Variants in PPP4R1 observed in about 807,000 individuals in gnomAD.
PPP4R1 encodes the protein protein phosphatase 4 regulatory subunit 1, also known as serine/threonine-protein phosphatase 4 regulatory subunit 1.
In PPP4R1, 42 loss-of-function variants were observed where a neutral mutation model predicts 111.2. That is an observed-to-expected ratio of 0.38 (90% CI 0.29 to 0.49). PPP4R1 has a LOEUF of 0.49. Ranked by LOEUF, PPP4R1 falls within the 20% of genes least tolerant of loss-of-function variation. The pLI is 0.97. For missense variants in PPP4R1, 1,012 were observed against 1,161.6 expected (o/e 0.87, Z 1.87); for synonymous variants, 409 against 405.5 (o/e 1.01, Z -0.10).
At chr18:9,594,059 C>T (rs1286623911) in intron 3 of PPP4R1, 185 bp from the exon 4 acceptor site, 2 of 526,214 alleles carry the variant, frequency 3.8e-6, no homozygotes. Flanking sequence ...TCCTGAGTAG[C>T]TGAGACTACA....
At chr18:9,558,982 C>G (rs1190189713) in intron 14 of PPP4R1, among the ~76,000 whole-genome samples, 1 of 152,188 alleles carries the variant, frequency 6.6e-6, no homozygotes, top group Non-Finnish European at 1.5e-5. Context: ...ATGCTCAAGG[C>G]ATGCAGGGCC....
chr18:9,557,065 A>G, intron 15 of PPP4R1, 156 bp downstream of exon 15: 1 of 617,696 alleles, frequency 1.6e-6, no homozygotes, highest in Non-Finnish European at 2.7e-6. Flanking sequence ...TAATTATGGG[A>G]CCATTTCTTT....
chr18:9,569,936 G>C (rs1234978181), intron 11 of PPP4R1, among the ~76,000 whole-genome samples: 5 of 152,030 alleles, frequency 3.3e-5, no homozygotes, highest in Non-Finnish European at 5.9e-5. Flanking sequence ...TTTTTGTAGA[G>C]ATGGGGTCTT....
chr18:9,603,508 TTC>T (rs1348294360), intron 2 of PPP4R1, among the ~76,000 whole-genome samples: 10 of 152,214 alleles, frequency 6.6e-5, no homozygotes, highest in Middle Eastern at 6.8e-3. Context: ...AATTTTTAAT[TTC>T]TTTTTATTTT....
rs2066456394 is a variant in PPP4R1, at chr18:9,549,605, T to C, written c.2548-267A>G. On this transcript the variant is annotated intron_variant, in intron 18 of 19. Coordinates refer to ENST00000400556, the MANE Select transcript of PPP4R1 (RefSeq NM_001042388.3). ...ACACCTGCGCTCTGGGTCCCAGACA[T>C]GAGCACCCTCTAGTGGGAACCGTGG... 2.0e-5 allele frequency among the ~76,000 whole-genome samples: 3 copies of C among 152,200 alleles called. No homozygotes were observed. The South Asian group carries it at 6.2e-4, about 31-fold the overall frequency.
At chr18:9,553,096 C>T (rs2066514819) in intron 16 of PPP4R1, among the ~76,000 whole-genome samples, 1 of 151,828 alleles carries the variant, frequency 6.6e-6, no homozygotes, top group Non-Finnish European at 1.5e-5. Context: ...TGTATTTCAC[C>T]ATGATAAAAA....
At chr18:9,563,128 C>T in intron 12 of PPP4R1, 1 of 1,201,320 alleles carries the variant, frequency 8.3e-7, no homozygotes, top group Non-Finnish European at 1.0e-6. Context: ...CAGTGAGCTA[C>T]ATTAACATTG....
Position 9,595,066 on chromosome 18 carries a change from G to T in PPP4R1, c.140C>A (p.Pro47His). The part of the protein sequence containing the change: ...DFVSQDEMLT[P>H]LGRLDKYAAS... ...AGCATACTTGTCCAATCTCCCCAGG[G>T]GCGTCAACATTTCATCTTGTGAGAC... Residue 47 changes from proline to histidine, a missense_variant, in exon 3 of 20, where the codon CCC (proline) becomes CAC (histidine). Physicochemically the swap from Pro to His is moderately conservative, Grantham distance 77. Transcript: ENST00000400556. 6.2e-7 allele frequency: 1 copy of T among 1,613,932 alleles called. No homozygotes were observed. The highest frequency in any genetic ancestry group is 8.5e-7 in the Non-Finnish European group (1 of 1,179,948).
Position 9,550,377 on chromosome 18 carries a change from C to T in PPP4R1, c.2313G>A (p.Glu771=). The part of the protein sequence containing the change: ...ELAEQLILLL[E]LYSPRDVYDY... The stretch of plus-strand genomic sequence containing the variant: ...CATAAACATCTCTGGGACTATATAA[C>T]TCTAGAAGTAAAATCAGCTGTCTAC... Residue 771 remains glutamate, a synonymous_variant, in exon 17 of 20, where the codon GAG becomes GAA. Coordinates refer to ENST00000400556, the MANE Select transcript of PPP4R1 (RefSeq NM_001042388.3). 6.3e-7 allele frequency: 1 copy of T among 1,599,356 alleles called. No individual in the cohort carries two copies.
chr18:9,556,085 T>C (rs1398835281), intron 15 of PPP4R1, among the ~76,000 whole-genome samples: 3 of 148,002 alleles, frequency 2.0e-5, no homozygotes, highest in African/African-American at 5.0e-5. Flanking sequence ...TGCTTGAACC[T>C]GGGAGGCGGA....
At chr18:9,548,405 GC>G (rs1434193672) in intron 19 of PPP4R1, among the ~76,000 whole-genome samples, 1 of 126,832 alleles carries the variant, frequency 7.9e-6, no homozygotes, top group African/African-American at 2.6e-5. Context: ...TGGGCGGCAG[GC>G]GGCGGGGGGG....
At position 9,557,357 on chromosome 18, in the gene PPP4R1, A is replaced by G. The variant is rs778790390; in HGVS notation, c.2054T>C (p.Phe685Ser). 1 of 1,603,594 alleles carries G rather than the reference A, an allele frequency of 6.2e-7. No homozygotes were observed. Among genetic ancestry groups the G allele is most frequent in the South Asian group, 1.1e-5 (1 of 88,122 alleles). Residue 685 changes from phenylalanine to serine, a missense_variant, in exon 15 of 20, where the codon TTC (phenylalanine) becomes TCC (serine). Phe to Ser is a radical substitution (Grantham distance 155). Coordinates refer to ENST00000400556, the MANE Select transcript of PPP4R1 (RefSeq NM_001042388.3). ...AATAACTGCAAGCTCGTGGATGGAG[A>G]ATGCTAGAGTTCGTCGAACTTTCCA... ...MQWKVRRTLA[F>S]SIHELAVILG...
chr18:9,584,308 A>G (rs1294531755), intron 8 of PPP4R1, among the ~76,000 whole-genome samples: 1 of 152,230 alleles, frequency 6.6e-6, no homozygotes, highest in African/African-American at 2.4e-5. Context: ...AATGGTTCTG[A>G]AACATATCCA....
chr18:9,603,994 T>C (rs182440261), intron 2 of PPP4R1, among the ~76,000 whole-genome samples: 190 of 152,338 alleles, frequency 1.2e-3, no homozygotes, highest in African/African-American at 4.3e-3. Flanking sequence ...GCCTGAATAT[T>C]TGTGAGTCTT....
intron 11 of PPP4R1, among the ~76,000 whole-genome samples, chr18:9,565,808 AG>A (rs2066755573): frequency 6.6e-6 from 1 of 152,268 alleles, no homozygotes; most frequent in South Asian, 2.1e-4. Flanking sequence ...TCCATAACAT[AG>A]AAGTGCAAGG....
Position 9,614,511 on chromosome 18 carries a change from C to T in PPP4R1, c.-27G>A, listed in dbSNP as rs1431935960. On this transcript the variant is annotated 5_prime_UTR_variant, in exon 1 of 20. Coordinates refer to ENST00000400556, the MANE Select transcript of PPP4R1 (RefSeq NM_001042388.3). This position sits in a 1 kb window ranked among gnomAD's most constrained non-coding sequence, Gnocchi z 4.1. ...TTGTGGTCGCCCCCTCCTCCGCGGC[C>T]GCCCGGGGAGCCGGGGCTACATGGA... 5.5e-5 allele frequency: 56 copies of T among 1,019,680 alleles called. No homozygotes were observed. The South Asian group carries it at 2.2e-3, about 41-fold the overall frequency. 63.2% of individuals were successfully genotyped at this position (1,019,680 alleles called of 1,614,324 possible). A position where few individuals can be genotyped will look rare whatever the true frequency, so the allele number is the denominator to read the frequency against.
At chr18:9,578,428 A>G (rs1238746744) in intron 9 of PPP4R1, among the ~76,000 whole-genome samples, 14 of 152,000 alleles carry the variant, frequency 9.2e-5, no homozygotes, top group Admixed American at 9.2e-4. Flanking sequence ...TTGCAGAGAC[A>G]AGTCCTTGCT....
Position 9,570,497 on chromosome 18 carries a change from G to C in PPP4R1, c.1233C>G (p.Ser411=). ...TAGCTGCTTCCTGGTGAGATTCTGA[G>C]GACAAAGTACAAAGTAAAGAGCTGT... The part of the protein sequence containing the change: ...PLDSSLLCTL[S]SESHQEAASN... Residue 411 remains serine (S), a synonymous_variant, in exon 11 of 20, where the codon TCC becomes TCG. Transcript: ENST00000400556. The C allele has an allele frequency of 1.9e-6, 3 of 1,614,136 alleles. No individual in the cohort carries two copies. Among genetic ancestry groups the C allele is most frequent in the Non-Finnish European group, 2.5e-6 (3 of 1,180,018 alleles).
At chr18:9,588,321 A>C in intron 5 of PPP4R1, 86 bp from the exon 6 acceptor site, 15 of 1,403,172 alleles carry the variant, frequency 1.1e-5, no homozygotes, top group African/African-American at 1.5e-5. Context: ...AAGATTTCTC[A>C]TCTCAAAGGG....
Sources: allele counts gnomAD v4.1 joint callset (sites outside exome capture counted in the v4.1 genomes callset), GRCh38; gene constraint gnomAD v4.1.1; non-coding constraint Gnocchi (gnomAD v3.1); transcripts MANE v1.5; gene names NCBI Gene and HGNC (gene_info 2026-07-23, HGNC 2026-07-21).